The following ANGPT1 variants were observed in gnomAD, a reference collection of about 807,000 sequenced individuals.
The protein encoded by ANGPT1 is angiopoietin-1.
Under a neutral mutation model 62.2 loss-of-function variants are expected in ANGPT1, and 17 were observed. The observed-to-expected ratio is 0.27, with a 90% CI of 0.19 to 0.41. The LOEUF is 0.41. Among genes scored for constraint, ANGPT1 ranks in the 10% least tolerant of loss-of-function variants. The pLI is 1.00. For synonymous variants in ANGPT1, 199 were observed against 198.9 expected, an observed-to-expected ratio of 1.00 and a Z score of 0.00; for missense variants, 478 against 594.9, an observed-to-expected ratio of 0.80 and a Z score of 2.04.
At chr8:107,273,481 T>C (rs1463894004) in intron 7 of ANGPT1, among the ~76,000 whole-genome samples, 1 of 151,968 alleles carries the variant, frequency 6.6e-6, no homozygotes, top group Non-Finnish European at 1.5e-5. Context: ...CGAAAATCTT[T>C]GTCATGGATT....
chr8:107,408,334 T>C (rs1817191626), intron 1 of ANGPT1, among the ~76,000 whole-genome samples: 1 of 152,212 alleles, frequency 6.6e-6, no homozygotes, highest in Non-Finnish European at 1.5e-5. Flanking sequence ...GGCTCTTTGG[T>C]TATTGTTAGA....
At chr8:107,400,285 T>C (rs1379096340) in intron 1 of ANGPT1, among the ~76,000 whole-genome samples, 1 of 152,166 alleles carries the variant, frequency 6.6e-6, no homozygotes, top group African/African-American at 2.4e-5. Context: ...ATGAATTCAA[T>C]AGTACTTTTT....
intron 5 of ANGPT1, among the ~76,000 whole-genome samples, chr8:107,300,596 C>T (rs1814563479): frequency 6.6e-6 from 1 of 151,786 alleles, no homozygotes; most frequent in Non-Finnish European, 1.5e-5. Context: ...AATATTGGAA[C>T]TTCTCCTTCT....
chr8:107,290,411 G>A (rs1051014576), intron 6 of ANGPT1, among the ~76,000 whole-genome samples: 4 of 152,094 alleles, frequency 2.6e-5, no homozygotes, highest in Non-Finnish European at 4.4e-5. Context: ...TTGTTATCCC[G>A]AAGGATGTAC....
chr8:107,369,900 G>A (rs1295569631), intron 1 of ANGPT1, among the ~76,000 whole-genome samples: 1 of 152,098 alleles, frequency 6.6e-6, no homozygotes, highest in Non-Finnish European at 1.5e-5. Flanking sequence ...CTACTTGGGA[G>A]ACCAAGGTGG....
At chr8:107,320,169 A>C (rs1409831369) in intron 4 of ANGPT1, among the ~76,000 whole-genome samples, 1 of 152,180 alleles carries the variant, frequency 6.6e-6, no homozygotes, top group African/African-American at 2.4e-5. Flanking sequence ...ATTTTTCAAA[A>C]ATGTTTCTTA....
In ANGPT1 at chr8:107,456,388, CA is replaced by C. The variant is rs148904797; in HGVS notation, c.297+40873del. ...GGCCTGAGTAAAAAGCATCTCAAGT[CA>C]AAAGTCCTGTTCTAAAAATTGAGAT... On this transcript the variant is annotated intron_variant, in intron 1 of 8. Coordinates refer to ENST00000517746, the MANE Select transcript of ANGPT1 (RefSeq NM_001146.5). 8.4e-3 allele frequency among the ~76,000 whole-genome samples: 1,284 copies of C among 152,098 alleles called. 19 individuals are homozygous for C. The highest frequency in any genetic ancestry group is 0.03 in the African/African-American group (1,240 of 41,528).
At chr8:107,281,113 A>C (rs1274508456) in intron 7 of ANGPT1, among the ~76,000 whole-genome samples, 7 of 152,140 alleles carry the variant, frequency 4.6e-5, no homozygotes, top group African/African-American at 1.7e-4. Flanking sequence ...TTAGAGGATA[A>C]AAGAAAAATA....
intron 6 of ANGPT1, among the ~76,000 whole-genome samples, chr8:107,289,195 T>G (rs768781339): frequency 6.6e-6 from 1 of 152,116 alleles, no homozygotes; most frequent in Non-Finnish European, 1.5e-5. Context: ...ACACTGAAAT[T>G]TAATCTGAAC....
intron 4 of ANGPT1, among the ~76,000 whole-genome samples, chr8:107,303,789 C>G (rs1171897268): frequency 1.3e-5 from 2 of 151,662 alleles, no homozygotes; most frequent in Admixed American, 6.6e-5. Context: ...CTTTTTGGAG[C>G]AGGAAGACAT....
intron 1 of ANGPT1, among the ~76,000 whole-genome samples, chr8:107,438,492 T>C (rs1811393772): frequency 6.6e-6 from 1 of 152,212 alleles, no homozygotes; most frequent in South Asian, 2.1e-4. Flanking sequence ...TTACAAAATA[T>C]GTTCCTAGTA....
chr8:107,390,532 T>C (rs1816814671), intron 1 of ANGPT1, among the ~76,000 whole-genome samples: 1 of 152,142 alleles, frequency 6.6e-6, no homozygotes, highest in African/African-American at 2.4e-5. Context: ...ACCAAAATCA[T>C]ACGTGGGATT....
At chr8:107,274,905 T>C (rs1446354806) in intron 7 of ANGPT1, among the ~76,000 whole-genome samples, 1 of 152,044 alleles carries the variant, frequency 6.6e-6, no homozygotes, top group Non-Finnish European at 1.5e-5. Flanking sequence ...AGTCTAATAA[T>C]AGGGAACAGC....
chr8:107,407,836 C>T (rs776575327), intron 1 of ANGPT1, among the ~76,000 whole-genome samples: 2 of 152,120 alleles, frequency 1.3e-5, no homozygotes, highest in Non-Finnish European at 1.5e-5. Flanking sequence ...GTCAATTTTG[C>T]ATCTTGCTAG....
intron 1 of ANGPT1, among the ~76,000 whole-genome samples, chr8:107,487,534 C>A (rs186985200): frequency 2.0e-5 from 3 of 147,772 alleles, no homozygotes; most frequent in African/African-American, 4.9e-5. Context: ...AGCGGCCGTG[C>A]GTCATTCATC....
At chr8:107,403,727 A>G (rs7830664) in intron 1 of ANGPT1, among the ~76,000 whole-genome samples, 3,834 of 152,242 alleles carry the variant, frequency 0.025, 149 homozygotes, top group African/African-American at 0.085. Flanking sequence ...CTATTTTAAA[A>G]ATAGGGATCC....
At chr8:107,415,066 A>T (rs1035040041) in intron 1 of ANGPT1, among the ~76,000 whole-genome samples, 1 of 152,140 alleles carries the variant, frequency 6.6e-6, no homozygotes, top group East Asian at 1.9e-4. Flanking sequence ...AATTTAGTTT[A>T]CTCTGCTCTG....
intron 5 of ANGPT1, among the ~76,000 whole-genome samples, chr8:107,302,978 T>C (rs924624289): frequency 3.3e-5 from 5 of 151,820 alleles, no homozygotes; most frequent in African/African-American, 9.7e-5. Context: ...AAGGCAAACA[T>C]GTATGAGCAA....
At chr8:107,451,989 CTTTATA>C (rs1563628930) in intron 1 of ANGPT1, among the ~76,000 whole-genome samples, 1 of 151,448 alleles carries the variant, frequency 6.6e-6, no homozygotes, top group Non-Finnish European at 1.5e-5. Flanking sequence ...TTATTTTATA[CTTTATA>C]TTTGTTTATA....
Sources: gnomAD v4.1 joint callset for allele counts (sites outside exome capture counted in the v4.1 genomes callset) on GRCh38, gnomAD v4.1.1 for gene constraint, MANE v1.5 for transcripts, NCBI Gene and HGNC (gene_info 2026-07-23, HGNC 2026-07-21) for gene names.